The following MAPT variants were observed in gnomAD, a reference collection of about 807,000 sequenced individuals.
MAPT encodes microtubule associated protein tau, also known as microtubule-associated protein tau.
In MAPT, 34 loss-of-function variants were observed where a neutral mutation model predicts 67.9. The observed-to-expected ratio is 0.50, with a 90% CI of 0.38 to 0.67. The LOEUF (loss-of-function observed/expected upper bound fraction) is 0.67, where lower values mean the gene tolerates loss of function less well. Ranked by LOEUF, MAPT falls within the 30% of genes least tolerant of loss-of-function variation. The pLI is 0.00. For synonymous variants in MAPT, 456 were observed against 464.5 expected (o/e 0.98, Z 0.23); for missense variants, 881 against 1,115.2 (o/e 0.79, Z 2.99).
chr17:45,980,705 C>T (rs1446318587), intron 4 of MAPT, among the ~76,000 whole-genome samples: 1 of 152,064 alleles, frequency 6.6e-6, no homozygotes, highest in Admixed American at 6.6e-5. Flanking sequence ...TGTATTATAT[C>T]AGAGTACAGT....
At chr17:46,019,945 G>A (rs1333836005) in intron 12 of MAPT, among the ~76,000 whole-genome samples, 5 of 151,264 alleles carry the variant, frequency 3.3e-5, no homozygotes, top group African/African-American at 1.2e-4. Flanking sequence ...CCAGGGGACA[G>A]AGGTTGTAGT....
intron 9 of MAPT, among the ~76,000 whole-genome samples, chr17:46,004,489 G>A (rs1374533500): frequency 3.3e-5 from 5 of 152,190 alleles, no homozygotes; most frequent in African/African-American, 9.7e-5. Flanking sequence ...TCTCTCCCTT[G>A]ATGGTTTTTG....
At position 45,983,439 on chromosome 17, in the gene MAPT, CG is replaced by C; in HGVS notation, c.864del (p.Ser289AlafsTer76). On this transcript the variant is annotated frameshift_variant, in exon 5 of 13. Coordinates refer to ENST00000262410, the MANE Select transcript of MAPT (RefSeq NM_001377265.1). LOFTEE classifies it high-confidence loss of function. ...PLKGAGGKER[P>X]GSKEEVDEDR... ...AAGGGGGCAGGGGGCAAAGAGAGGC[CG>C]GGGAGCAAGGAGGAGGTGGATGAAG... 1 of 1,606,538 alleles carries C rather than the reference CG, an allele frequency of 6.2e-7. No homozygotes were observed. Among genetic ancestry groups the C allele is most frequent in the Non-Finnish European group, 8.5e-7 (1 of 1,175,774 alleles).
intron 3 of MAPT, among the ~76,000 whole-genome samples, chr17:45,972,287 G>A (rs2071783265): frequency 6.6e-6 from 1 of 152,190 alleles, no homozygotes. Context: ...TCCCAGAGCA[G>A]CCATTTGGCT....
At chr17:45,902,377 A>G (rs1480307527) in intron 1 of MAPT, among the ~76,000 whole-genome samples, 2 of 152,092 alleles carry the variant, frequency 1.3e-5, no homozygotes, top group African/African-American at 2.4e-5. Flanking sequence ...GCCAGCTTGC[A>G]CCTTATTTAG....
chr17:45,901,585 C>T (rs768275912), intron 1 of MAPT, among the ~76,000 whole-genome samples: 57 of 152,270 alleles, frequency 3.7e-4, no homozygotes, highest in Middle Eastern at 3.4e-3. Context: ...TTAATAAATT[C>T]GGCCTAAGAA....
chr17:45,928,181 T>C (rs1240988814), intron 1 of MAPT, among the ~76,000 whole-genome samples: 8 of 152,288 alleles, frequency 5.3e-5, no homozygotes, highest in Non-Finnish European at 1.2e-4. Flanking sequence ...TCCCAAATTC[T>C]TGTGGCTTCA....
chr17:45,943,684 T>C (rs2068198245), intron 1 of MAPT, among the ~76,000 whole-genome samples: 1 of 152,304 alleles, frequency 6.6e-6, no homozygotes, highest in East Asian at 1.9e-4. Flanking sequence ...CCACTGCTCC[T>C]GGGTGCATTA....
chr17:45,906,685 C>T lies in MAPT; in HGVS notation c.-18+11999C>T, dbSNP rs2064331220. On this transcript the variant is annotated intron_variant, in intron 1 of 12. Coordinates refer to ENST00000262410, the MANE Select transcript of MAPT (RefSeq NM_001377265.1). This position sits in a 1 kb window ranked among gnomAD's most constrained non-coding sequence, Gnocchi z 4.3. ...AGCGTGGCCAGGTTTGAGTGCCAGT[C>T]CTGGGTGTCCAGTGGCCCCATAGCC... Among the ~76,000 whole-genome samples, 1 of 152,110 alleles carries T rather than the reference C, an allele frequency of 6.6e-6. No individual in the cohort carries two copies. Among genetic ancestry groups the T allele is most frequent in the East Asian group, 1.9e-4 (1 of 5,176 alleles).
At position 46,024,204 on chromosome 17, in the gene MAPT, A is replaced by G. The variant is rs1229288099; in HGVS notation, c.*33A>G. 4.4e-6 allele frequency: 7 copies of G among 1,576,352 alleles called. No homozygotes were observed. The highest frequency in any genetic ancestry group is 1.7e-5 in the Admixed American group (1 of 59,906). On this transcript the variant is annotated 3_prime_UTR_variant, in exon 13 of 13. Transcript: ENST00000262410. ...CCTGGGGCGGTCAATAATTGTGGAG[A>G]GGAGAGAATGAGAGAGTGTGGAAAA...
chr17:45,991,707 C>A, intron 8 of MAPT, 121 bp downstream of exon 8: 1 of 1,373,856 alleles, frequency 7.3e-7, no homozygotes, highest in Non-Finnish European at 1.0e-6. Flanking sequence ...CAGCAGCTTG[C>A]AGTTTACTAA....
chr17:45,989,318 G>A (rs1374599797), intron 6 of MAPT, among the ~76,000 whole-genome samples: 7 of 152,120 alleles, frequency 4.6e-5, no homozygotes, highest in African/African-American at 1.4e-4. Context: ...GAGAAAGAAC[G>A]TACTAGAACT....
chr17:45,994,064 CT>C, intron 8 of MAPT: 1 of 1,325,712 alleles, frequency 7.5e-7, no homozygotes. Context: ...CGGGAGGACC[CT>C]TTTCTGCAAT....
chr17:45,956,827 A>G (rs572698803), intron 1 of MAPT, among the ~76,000 whole-genome samples: 17 of 148,376 alleles, frequency 1.1e-4, no homozygotes, highest in Non-Finnish European at 2.5e-4. Flanking sequence ...ATTCCCACCT[A>G]CGAGTGAGAA....
chr17:45,926,622 T>A (rs747951993), intron 1 of MAPT, among the ~76,000 whole-genome samples: 3 of 152,168 alleles, frequency 2.0e-5, no homozygotes, highest in African/African-American at 7.2e-5. Flanking sequence ...CCTCAAATTT[T>A]TAAAAATCTA....
At position 46,026,961 on chromosome 17, in the gene MAPT, G is replaced by T. The variant is rs151125304; in HGVS notation, c.*2790G>T. 64 of 152,350 alleles carry T rather than the reference G, an allele frequency of 4.2e-4. No individual in the cohort carries two copies. The highest frequency in any genetic ancestry group is 1.4e-3 in the African/African-American group (59 of 41,574). 9.4% of individuals were successfully genotyped at this position (152,350 alleles called of 1,614,324 possible). A position where few individuals can be genotyped will look rare whatever the true frequency, so the allele number is the denominator to read the frequency against. On this transcript the variant is annotated 3_prime_UTR_variant, in exon 13 of 13. Transcript: ENST00000262410. ...CCTGGGGCTGGCAGCTTCGTGTGCA[G>T]CTAGAGCTTTACCTGAAAGGAAGTC...
chr17:45,953,030 G>GATGATGATGATGACA (rs1230671473), intron 1 of MAPT, among the ~76,000 whole-genome samples: 5 of 151,870 alleles, frequency 3.3e-5, no homozygotes, highest in Admixed American at 2.0e-4. Flanking sequence ...TGATGATGAT[G>GATGATGATGATGACA]ATGACACCTA....
At chr17:45,953,386 C>T (rs1438974646) in intron 1 of MAPT, among the ~76,000 whole-genome samples, 1 of 152,208 alleles carries the variant, frequency 6.6e-6, no homozygotes, top group Non-Finnish European at 1.5e-5. Context: ...GGCAGCTGAC[C>T]TAGCCCAGCC....
intron 5 of MAPT, among the ~76,000 whole-genome samples, chr17:45,985,025 TG>T (rs1401466234): frequency 1.3e-5 from 2 of 152,208 alleles, no homozygotes; most frequent in African/African-American, 4.8e-5. Context: ...AGACAGAGGC[TG>T]GGGGCGATGG....
Sources: allele counts gnomAD v4.1 joint callset (sites outside exome capture counted in the v4.1 genomes callset), GRCh38; gene constraint gnomAD v4.1.1; non-coding constraint Gnocchi (gnomAD v3.1); transcripts MANE v1.5; gene names NCBI Gene and HGNC (gene_info 2026-07-23, HGNC 2026-07-21).